The following CIAO2A variants were observed in gnomAD, a reference collection of about 807,000 sequenced individuals.
CIAO2A encodes the protein cytosolic iron-sulfur assembly component 2A.
A neutral mutation model predicts 22.4 loss-of-function variants in CIAO2A; 17 were observed. The observed-to-expected ratio is 0.76, with a 90% CI of 0.52 to 1.14. CIAO2A has a LOEUF of 1.14. Among genes scored for constraint, CIAO2A ranks in the 50% most tolerant of loss-of-function variants. The pLI is 0.00. For synonymous variants in CIAO2A, 74 were observed against 72.3 expected (o/e 1.02, Z -0.12); for missense variants, 192 against 191.4 (o/e 1.00, Z -0.02).
chr15:64,091,975 G>C (rs1207672032), intron 1 of CIAO2A, among the ~76,000 whole-genome samples: 2 of 149,930 alleles, frequency 1.3e-5, no homozygotes, highest in Non-Finnish European at 3.0e-5. Flanking sequence ...TGGGAGGATG[G>C]CTTGAGCCCT....
intron 3 of CIAO2A, among the ~76,000 whole-genome samples, chr15:64,077,030 A>G (rs2080723542): frequency 6.6e-6 from 1 of 152,148 alleles, no homozygotes; most frequent in Non-Finnish European, 1.5e-5. Flanking sequence ...AAAACAAAAC[A>G]AGCCGGGCGT....
At position 64,093,750 on chromosome 15, in the gene CIAO2A, G is replaced by C. The variant is rs1053384259; in HGVS notation, c.19C>G (p.Leu7Val). 2 of 1,611,932 alleles carry C rather than the reference G, an allele frequency of 1.2e-6. No individual in the cohort carries two copies. The highest frequency in any genetic ancestry group is 4.5e-5 in the East Asian group (2 of 44,830). Reference protein sequence around the residue: MQRVSGLLSWTLSRVLW... With the variant: MQRVSGVLSWTLSRVLW... ...ACTCTGCTCAGCGTCCAGGAGAGCA[G>C]CCCGGACACCCGCTGCATCTTCACG... The change falls in exon 1 of 5, where the codon CTG (leucine) becomes GTG (valine). Residue 7 changes from leucine (L) to valine (V), a missense_variant. Leu to Val is a conservative substitution (Grantham distance 32). Coordinates refer to ENST00000300030, the MANE Select transcript of CIAO2A (RefSeq NM_032231.7).
Position 64,088,868 on chromosome 15 carries a change from G to A in CIAO2A, c.125-17C>T, listed in dbSNP as rs762923165. On this transcript the variant is annotated splice_polypyrimidine_tract_variant and intron_variant, in intron 1 of 4. Transcript: ENST00000300030. ...TAATCAAATCTAAAGAATCATCAGAGATAAGATATTCTATTAAAACATGAC... is the reference window on the plus strand; with the variant it reads ...TAATCAAATCTAAAGAATCATCAGAAATAAGATATTCTATTAAAACATGAC... 3.1e-6 allele frequency: 5 copies of A among 1,595,258 alleles called. No homozygotes were observed. The highest frequency in any genetic ancestry group is 4.3e-6 in the Non-Finnish European group (5 of 1,173,722).
chr15:64,079,187 G>T (rs1247592429), intron 3 of CIAO2A, among the ~76,000 whole-genome samples: 1 of 151,930 alleles, frequency 6.6e-6, no homozygotes, highest in Non-Finnish European at 1.5e-5. Flanking sequence ...TTAAAAAGAA[G>T]AAAGAAATCA....
At chr15:64,087,179 C>T (rs2080804458) in intron 2 of CIAO2A, among the ~76,000 whole-genome samples, 1 of 150,150 alleles carries the variant, frequency 6.7e-6, no homozygotes, top group South Asian at 2.1e-4. Context: ...GCAAACTCCG[C>T]TTCCCGGGTT....
chr15:64,078,997 T>C (rs1301457403), intron 3 of CIAO2A, among the ~76,000 whole-genome samples: 1 of 150,954 alleles, frequency 6.6e-6, no homozygotes, highest in Non-Finnish European at 1.5e-5. Context: ...GCTGTAATCA[T>C]ACCACTATAT....
Position 64,088,737 on chromosome 15 carries a change from A to G in CIAO2A, c.239T>C (p.Ile80Thr), listed in dbSNP as rs1292787403. 1 of 1,613,870 alleles carries G rather than the reference A, an allele frequency of 6.2e-7. No individual in the cohort carries two copies. The highest frequency in any genetic ancestry group is 1.3e-5 in the African/African-American group (1 of 74,924). The change falls in exon 2 of 5, where the codon ATT (isoleucine) becomes ACT (threonine). Residue 80 changes from isoleucine (I) to threonine (T), a missense_variant. Coordinates refer to ENST00000300030, the MANE Select transcript of CIAO2A (RefSeq NM_032231.7). ...QEINEEEYLV[I>T]IRFTPTVPHC... The stretch of plus-strand genomic sequence containing the variant: ...AGGTACTGTTGGCGTGAACCTGATA[A>G]TAACCAGATATTCTTCTTCATTTAT...
chr15:64,081,006 G>T, intron 3 of CIAO2A, 96 bp downstream of exon 3: 2 of 1,203,372 alleles, frequency 1.7e-6, no homozygotes, highest in Non-Finnish European at 2.4e-6. Context: ...CCACTGAATT[G>T]GTACACTTTA....
chr15:64,088,676 G>C lies in CIAO2A; in HGVS notation c.289+11C>G, dbSNP rs1027992794. On this transcript the variant is annotated intron_variant, in intron 2 of 4. Coordinates refer to ENST00000300030, the MANE Select transcript of CIAO2A (RefSeq NM_032231.7). ...TTATATAAATATACATGTATGTACA[G>C]AAAAACTTACCAATAAGAGTCGCCA... The C allele has an allele frequency of 6.3e-6, 10 of 1,599,490 alleles. No individual in the cohort carries two copies. In the African/African-American group the frequency reaches 1.4e-4, roughly 22 times the overall value.
intron 1 of CIAO2A, among the ~76,000 whole-genome samples, chr15:64,089,338 C>T (rs1276698195): frequency 1.3e-5 from 2 of 152,034 alleles, no homozygotes; most frequent in Non-Finnish European, 2.9e-5. Flanking sequence ...GCCTCAGCAA[C>T]ATAATGAGAC....
intron 1 of CIAO2A, among the ~76,000 whole-genome samples, chr15:64,089,258 C>T (rs564335820): frequency 6.6e-6 from 1 of 152,256 alleles, no homozygotes; most frequent in African/African-American, 2.4e-5. Context: ...CATGGTGGCT[C>T]ACACCTGTAA....
intron 2 of CIAO2A, among the ~76,000 whole-genome samples, chr15:64,087,646 A>G (rs527318942): frequency 2.6e-5 from 4 of 152,360 alleles, no homozygotes; most frequent in African/African-American, 9.6e-5. Flanking sequence ...AACCAGTGAG[A>G]AAAGACAGAA....
intron 2 of CIAO2A, among the ~76,000 whole-genome samples, chr15:64,088,417 T>C (rs1302412749): frequency 6.6e-6 from 1 of 152,194 alleles, no homozygotes; most frequent in Non-Finnish European, 1.5e-5. Context: ...AGTTTCACCA[T>C]TTCCTGGCTA....
intron 3 of CIAO2A, among the ~76,000 whole-genome samples, chr15:64,079,692 G>C (rs143724505): frequency 6.6e-6 from 1 of 152,180 alleles, no homozygotes; most frequent in Non-Finnish European, 1.5e-5. Context: ...AATCATTCAC[G>C]AGCGATAACC....
intron 1 of CIAO2A, among the ~76,000 whole-genome samples, chr15:64,090,585 T>C (rs1414969223): frequency 6.6e-6 from 1 of 152,110 alleles, no homozygotes; most frequent in Non-Finnish European, 1.5e-5. Flanking sequence ...AAGAGAGGGA[T>C]GGTTAATAAC....
At chr15:64,076,922 T>C (rs2080722421) in intron 3 of CIAO2A, among the ~76,000 whole-genome samples, 1 of 151,866 alleles carries the variant, frequency 6.6e-6, no homozygotes, top group South Asian at 2.1e-4. Context: ...CCCAAGCTGG[T>C]CTTGAATTCC....
At chr15:64,090,992 GAAC>G (rs1338156107) in intron 1 of CIAO2A, among the ~76,000 whole-genome samples, 1 of 152,028 alleles carries the variant, frequency 6.6e-6, no homozygotes, top group Non-Finnish European at 1.5e-5. Flanking sequence ...AAGGAAAGGA[GAAC>G]AATAAAGAGA....
chr15:64,088,077 T>G (rs1321803352), intron 2 of CIAO2A, among the ~76,000 whole-genome samples: 6 of 152,214 alleles, frequency 3.9e-5, no homozygotes, highest in Admixed American at 3.9e-4. Flanking sequence ...ATCAATCCCC[T>G]ACTCATGAAC....
intron 1 of CIAO2A, among the ~76,000 whole-genome samples, chr15:64,092,063 C>CAAAA (rs35475525): frequency 4.7e-5 from 3 of 63,730 alleles, no homozygotes; most frequent in Admixed American, 1.8e-4. Flanking sequence ...GACCCTGTCT[C>CAAAA]AAAAAAAAAA....
Sources: allele counts gnomAD v4.1 joint callset (sites outside exome capture counted in the v4.1 genomes callset), GRCh38; gene constraint gnomAD v4.1.1; transcripts MANE v1.5; gene names NCBI Gene and HGNC (gene_info 2026-07-23, HGNC 2026-07-21).